Variants in ZNF280C observed in about 807,000 individuals in gnomAD.
ZNF280C encodes zinc finger protein 280C.
Under a neutral mutation model 53.6 loss-of-function variants are expected in ZNF280C, and 14 were observed. The ratio of observed to expected loss-of-function variants is 0.26; its 90% CI spans 0.17 to 0.41. The LOEUF is 0.41. Among genes scored for constraint, ZNF280C ranks in the 10% least tolerant of loss-of-function variants. ZNF280C has a pLI of 1.00. For synonymous variants in ZNF280C, 203 were observed against 181.1 expected (o/e 1.12, Z -0.97); for missense variants, 416 against 547.1 (o/e 0.76, Z 2.39).
At chrX:130,220,280 TAA>T (rs3081123) in intron 13 of ZNF280C, 67 bp downstream of exon 13, 413,028 of 900,798 alleles carry the variant, frequency 0.46, 63,897 homozygotes, top group African/African-American at 0.74. Flanking sequence ...CTATCCATAA[TAA>T]AAAAAAAAAC....
chrX:130,262,220 C>T (rs2032637911), intron 1 of ZNF280C, among the ~76,000 whole-genome samples: 1 of 111,144 alleles, frequency 9.0e-6, no homozygotes, highest in Admixed American at 9.6e-5. Context: ...GCTGTGCTAT[C>T]CAATGAGGTA....
intron 12 of ZNF280C, among the ~76,000 whole-genome samples, chrX:130,225,090 T>C (rs1034009542): frequency 9.0e-6 from 1 of 111,434 alleles, no homozygotes; most frequent in African/African-American, 3.3e-5. Context: ...GAAGAATGAC[T>C]ACAGATCAGA....
chrX:130,264,075 A>G (rs1048754784), intron 1 of ZNF280C, among the ~76,000 whole-genome samples: 2 of 107,766 alleles, frequency 1.9e-5, no homozygotes, highest in Admixed American at 2.0e-4. Context: ...AAGAAAGAAA[A>G]AATAATCAGC....
At position 130,229,199 on chromosome X, in the gene ZNF280C, A is replaced by T. The variant is rs750087032; in HGVS notation, c.990-65T>A. The stretch of plus-strand genomic sequence containing the variant: ...ATAACCAAAGAAAAACCTCACAAAT[A>T]AGTCTCTGAAAATAAATTTTTAAAA... On this transcript the variant is annotated intron_variant, in intron 9 of 18. Coordinates refer to ENST00000370978, the MANE Select transcript of ZNF280C (RefSeq NM_017666.5). 9 of 1,015,428 alleles carry T rather than the reference A, an allele frequency of 8.9e-6. No individual in the cohort carries two copies. The Admixed American group carries it at 2.7e-4, about 30-fold the overall frequency. The allele number at this position is 1,015,428 out of a possible 1,213,427, so 83.7% of individuals were successfully genotyped here.
intron 1 of ZNF280C, among the ~76,000 whole-genome samples, chrX:130,262,675 C>A (rs991546716): frequency 1.8e-5 from 2 of 111,308 alleles, no homozygotes; most frequent in African/African-American, 6.5e-5. Context: ...TCAAAATAGG[C>A]ACAAGAGGAA....
intron 8 of ZNF280C, among the ~76,000 whole-genome samples, chrX:130,235,899 T>C (rs1187703215): frequency 1.8e-5 from 2 of 112,208 alleles, no homozygotes; most frequent in East Asian, 2.8e-4. Flanking sequence ...TCTACCTCTA[T>C]GAGATCAACT....
chrX:130,213,859 C>A (rs2032070905), intron 15 of ZNF280C, among the ~76,000 whole-genome samples: 1 of 112,362 alleles, frequency 8.9e-6, no homozygotes, highest in Non-Finnish European at 1.9e-5. Flanking sequence ...CTGAAGCCAT[C>A]AAAAAACGTG....
chrX:130,216,676 G>A (rs1466068703), intron 13 of ZNF280C, among the ~76,000 whole-genome samples: 1 of 112,006 alleles, frequency 8.9e-6, no homozygotes, highest in Non-Finnish European at 1.9e-5. Flanking sequence ...TTGCTGGTGG[G>A]AATGCACAAC....
At chrX:130,255,429 C>T (rs1360286484) in intron 2 of ZNF280C, among the ~76,000 whole-genome samples, 22 of 105,314 alleles carry the variant, frequency 2.1e-4, no homozygotes, top group African/African-American at 7.3e-4. Flanking sequence ...CGTGAGCCAC[C>T]GCGCCCGGCC....
At chrX:130,230,753 T>C in intron 8 of ZNF280C, 26 bp from the exon 9 acceptor site, 1 of 1,009,432 alleles carries the variant, frequency 9.9e-7, no homozygotes, top group Non-Finnish European at 1.4e-6. Context: ...AATATGAGCC[T>C]TGTCTACAGC....
chrX:130,242,500 A>C (rs1040741185), intron 5 of ZNF280C, among the ~76,000 whole-genome samples: 3 of 112,118 alleles, frequency 2.7e-5, no homozygotes, highest in African/African-American at 3.2e-5. Flanking sequence ...AAATGTGGCC[A>C]TTATGCATTA....
intron 2 of ZNF280C, among the ~76,000 whole-genome samples, chrX:130,249,200 G>C (rs1226277688): frequency 1.8e-5 from 2 of 111,589 alleles, no homozygotes; most frequent in Non-Finnish European, 3.8e-5. Flanking sequence ...GCCACCACCA[G>C]CATGACCATA....
chrX:130,215,905 A>T lies in ZNF280C; in HGVS notation c.1724T>A (p.Val575Asp). 4 of 1,211,413 alleles carry T rather than the reference A, an allele frequency of 3.3e-6. No individual in the cohort carries two copies. The change falls in exon 14 of 19, where the codon GTT (valine) becomes GAT (aspartate). Residue 575 changes from valine (V) to aspartate (D), a missense_variant. Around this residue, in one of 3 missense-constraint regions of ZNF280C, gnomAD observed 151 missense variants for 176.9 expected, o/e 0.85. Transcript: ENST00000370978. Reference protein sequence around the residue: ...LHATTSTASKVNTSKPRGRIA... With the variant: ...LHATTSTASKDNTSKPRGRIA... ...ACGTCCCCTTGGCTTACTTGTATTA[A>T]CTTTACTTGCAGTGGATGTAGTTGC...
chrX:130,205,262 C>G (rs771688326), intron 17 of ZNF280C, 35 bp downstream of exon 17: 1 of 1,142,027 alleles, frequency 8.8e-7, no homozygotes, highest in East Asian at 3.0e-5. Context: ...AAATAAATAT[C>G]AGAAAATCAA....
Position 130,246,842 on chromosome X carries a change from T to A in ZNF280C, c.178+17A>T. 1 of 1,203,636 alleles carries A rather than the reference T, an allele frequency of 8.3e-7. No individual in the cohort carries two copies. Among genetic ancestry groups the A allele is most frequent in the South Asian group, 1.8e-5 (1 of 54,880 alleles). The stretch of plus-strand genomic sequence containing the variant: ...ACCATCTTATGAAACGTTACTTCAC[T>A]GAAAGTAAATGCTTACTTGAAATGG... On this transcript the variant is annotated intron_variant, in intron 3 of 18. Transcript: ENST00000370978.
intron 1 of ZNF280C, among the ~76,000 whole-genome samples, chrX:130,265,581 GA>G (rs1285334540): frequency 1.1e-4 from 12 of 111,776 alleles, no homozygotes; most frequent in Non-Finnish European, 1.7e-4. Flanking sequence ...ATCCACCAGG[GA>G]AAATGTAAGT....
chrX:130,203,700 T>C lies in ZNF280C; in HGVS notation c.*1277A>G, dbSNP rs2031939508. ...AAAATAAAGTGAATATCAGTATTGC[T>C]GAAAATTCCTAGAATATTGGATAAA... On this transcript the variant is annotated 3_prime_UTR_variant, in exon 19 of 19. Transcript: ENST00000370978. The C allele has an allele frequency of 8.9e-6, 1 of 112,200 alleles. No individual in the cohort carries two copies. Among genetic ancestry groups the C allele is most frequent in the Non-Finnish European group, 1.9e-5 (1 of 53,245 alleles). The allele number at this position is 112,200 out of a possible 1,213,427, so 9.2% of individuals were successfully genotyped here.
At position 130,255,649 on chromosome X, in the gene ZNF280C, T is replaced by G. The variant is rs571209633; in HGVS notation, c.31+4770A>C. On this transcript the variant is annotated intron_variant, in intron 2 of 18. Transcript: ENST00000370978. ...CTACACTAGCGGGACATATGAAATT[T>G]CAGAATATCAGAAATTGCCAGGTGG... is the stretch of plus-strand genomic sequence containing the variant. 5.9e-4 allele frequency among the ~76,000 whole-genome samples: 66 copies of G among 111,758 alleles called. 1 individual carries two copies. In the South Asian group the frequency reaches 0.024, roughly 41 times the overall value.
chrX:130,255,521 AG>A (rs942634509), intron 2 of ZNF280C, among the ~76,000 whole-genome samples: 12 of 111,420 alleles, frequency 1.1e-4, no homozygotes, highest in African/African-American at 3.9e-4. Flanking sequence ...GGAGAGGAGA[AG>A]TAATCAAAGG....
Sources: allele counts gnomAD v4.1 joint callset (sites outside exome capture counted in the v4.1 genomes callset), GRCh38; gene constraint gnomAD v4.1.1; regional missense constraint gnomAD v4.1.1; transcripts MANE v1.5; gene names NCBI Gene and HGNC (gene_info 2026-07-23, HGNC 2026-07-21).